The following CDH4 variants were observed in gnomAD, a reference collection of about 807,000 sequenced individuals.
CDH4 encodes cadherin 4, also known as cadherin-4.
Under a neutral mutation model 86.0 loss-of-function variants are expected in CDH4, and 33 were observed. The ratio of observed to expected loss-of-function variants is 0.38; its 90% CI spans 0.29 to 0.51. CDH4 has a LOEUF of 0.51. Among genes scored for constraint, CDH4 ranks in the 20% least tolerant of loss-of-function variants. The pLI is 0.86. For missense variants in CDH4, 1,114 were observed against 1,307.4 expected, an observed-to-expected ratio of 0.85 and a Z score of 2.28; for synonymous variants, 555 against 549.4, an observed-to-expected ratio of 1.01 and a Z score of -0.14.
intron 11 of CDH4, among the ~76,000 whole-genome samples, chr20:61,927,013 G>A (rs1007525245): frequency 6.6e-6 from 1 of 152,238 alleles, no homozygotes; most frequent in Non-Finnish European, 1.5e-5. Context: ...GAACCTGTCT[G>A]TGCTTCTCCG....
intron 2 of CDH4, among the ~76,000 whole-genome samples, chr20:61,256,930 G>A (rs1366136236): frequency 6.6e-6 from 1 of 152,168 alleles, no homozygotes; most frequent in Non-Finnish European, 1.5e-5. Flanking sequence ...TGCACATATG[G>A]AGGCAAGAGC....
chr20:61,308,909 G>A (rs2084431079), intron 2 of CDH4, among the ~76,000 whole-genome samples: 2 of 152,218 alleles, frequency 1.3e-5, no homozygotes, highest in Admixed American at 6.5e-5. Context: ...CTCGTAGCCT[G>A]TGGTTTGCAG....
intron 2 of CDH4, among the ~76,000 whole-genome samples, chr20:61,640,287 C>T (rs979495937): frequency 4.1e-4 from 62 of 152,208 alleles, no homozygotes; most frequent in Admixed American, 3.7e-3. Flanking sequence ...AGCAACGTCA[C>T]GTGCCTCGGC....
chr20:61,302,306 C>G (rs2427059), intron 2 of CDH4, among the ~76,000 whole-genome samples: 2 of 152,134 alleles, frequency 1.3e-5, no homozygotes, highest in Non-Finnish European at 2.9e-5. Context: ...CGTATCCTCA[C>G]TGTGGTGCAG....
intron 2 of CDH4, among the ~76,000 whole-genome samples, chr20:61,571,596 C>T (rs1046906577): frequency 1.3e-5 from 2 of 152,196 alleles, no homozygotes; most frequent in African/African-American, 4.8e-5. Context: ...TCCTCACCGC[C>T]CCTGCATTCT....
At chr20:61,674,900 C>T (rs1057511798) in intron 2 of CDH4, among the ~76,000 whole-genome samples, 3 of 152,240 alleles carry the variant, frequency 2.0e-5, no homozygotes, top group Non-Finnish European at 4.4e-5. Flanking sequence ...GTTTTATTGG[C>T]ACACAGCCAT....
chr20:61,316,755 T>C (rs1168715929), intron 2 of CDH4, among the ~76,000 whole-genome samples: 1 of 152,240 alleles, frequency 6.6e-6, no homozygotes, highest in Non-Finnish European at 1.5e-5. Context: ...AGCCGCCGCC[T>C]CTGCTTTTCG....
intron 2 of CDH4, among the ~76,000 whole-genome samples, chr20:61,255,313 A>G (rs559319982): frequency 1.3e-5 from 2 of 152,248 alleles, no homozygotes; most frequent in Non-Finnish European, 1.5e-5. Context: ...AAATGCGGTA[A>G]ATAAGCCCAC....
chr20:61,437,190 C>A (rs752749964), intron 2 of CDH4: 1 of 152,314 alleles, frequency 6.6e-6, no homozygotes, highest in Non-Finnish European at 1.5e-5. Context: ...CCCCCGCCCC[C>A]CTTGTCTTGC....
chr20:61,816,642 C>A (rs1419561277), intron 4 of CDH4, among the ~76,000 whole-genome samples: 1 of 150,724 alleles, frequency 6.6e-6, no homozygotes, highest in Non-Finnish European at 1.5e-5. Context: ...CTAAGGCAGG[C>A]GGGCATTGGA....
At chr20:61,539,389 G>A (rs924333942) in intron 2 of CDH4, among the ~76,000 whole-genome samples, 5 of 152,190 alleles carry the variant, frequency 3.3e-5, no homozygotes, top group African/African-American at 1.2e-4. Context: ...CAAGACTAAG[G>A]TGTGGGAAGA....
intron 2 of CDH4, among the ~76,000 whole-genome samples, chr20:61,714,641 C>A (rs1359068909): frequency 6.6e-6 from 1 of 152,190 alleles, no homozygotes; most frequent in Non-Finnish European, 1.5e-5. Flanking sequence ...CTCCCACTTA[C>A]AAGTGAGGAC....
chr20:61,539,685 C>T (rs1209164316), intron 2 of CDH4, among the ~76,000 whole-genome samples: 1 of 152,250 alleles, frequency 6.6e-6, no homozygotes, highest in Non-Finnish European at 1.5e-5. Flanking sequence ...AGAGCACAGT[C>T]TGCCCTGGGC....
intron 4 of CDH4, among the ~76,000 whole-genome samples, chr20:61,775,315 G>A (rs561208514): frequency 6.6e-6 from 1 of 152,012 alleles, no homozygotes; most frequent in Non-Finnish European, 1.5e-5. Context: ...AGGACTGAAG[G>A]TCACCGAGAC....
In CDH4 at chr20:61,502,996, A is replaced by G. The variant is rs1339067692; in HGVS notation, c.170-240567A>G. Among the ~76,000 whole-genome samples, 3 of 152,212 alleles carry G rather than the reference A, an allele frequency of 2.0e-5. No individual in the cohort carries two copies. In the East Asian group the frequency reaches 5.8e-4, roughly 29 times the overall value. Reference sequence around the variant, plus strand: ...GCCAAAGATGATTATGCCTAAATGAATATTCTTTTATTGGCTTGATGGAAT... The same window carrying G: ...GCCAAAGATGATTATGCCTAAATGAGTATTCTTTTATTGGCTTGATGGAAT... On this transcript the variant is annotated intron_variant, in intron 2 of 15. Coordinates refer to ENST00000614565, the MANE Select transcript of CDH4 (RefSeq NM_001794.5).
At chr20:61,308,331 C>T (rs1373251024) in intron 2 of CDH4, among the ~76,000 whole-genome samples, 1 of 152,156 alleles carries the variant, frequency 6.6e-6, no homozygotes, top group African/African-American at 2.4e-5. Context: ...ACAAAGCTGC[C>T]ATGAGCCGCA....
intron 4 of CDH4, among the ~76,000 whole-genome samples, chr20:61,795,604 C>T (rs1979495138): frequency 6.6e-6 from 1 of 152,140 alleles, no homozygotes; most frequent in Non-Finnish European, 1.5e-5. Flanking sequence ...AGGCATCATC[C>T]CCTTAAAGCA....
chr20:61,290,432 A>AGCACCACAGATGCCAG (rs2084314498), intron 2 of CDH4, among the ~76,000 whole-genome samples: 1 of 136,158 alleles, frequency 7.3e-6, no homozygotes, highest in Admixed American at 7.5e-5. Flanking sequence ...TGCTGGGTTT[A>AGCACCACAGATGCCAG]TCCCGATATC....
Position 61,754,740 on chromosome 20 carries a change from A to T in CDH4, c.396+10951A>T, listed in dbSNP as rs139599317. Among the ~76,000 whole-genome samples the T allele has an allele frequency of 7.0e-4, 102 of 144,948 alleles. No individual in the cohort carries two copies. The highest frequency in any genetic ancestry group is 5.7e-3 in the Admixed American group (83 of 14,542). On this transcript the variant is annotated intron_variant, in intron 3 of 15. Transcript: ENST00000614565. The surrounding 1 kb of genome is among the most constrained non-coding windows in gnomAD (Gnocchi z 4.7). ...CACACACACTGCACGCCCCGCACAC[A>T]CTATGCACACCACACACACAGTGCA...
Sources: gnomAD v4.1 joint callset for allele counts (sites outside exome capture counted in the v4.1 genomes callset) on GRCh38, gnomAD v4.1.1 for gene constraint, Gnocchi (gnomAD v3.1) non-coding constraint, MANE v1.5 for transcripts, NCBI Gene and HGNC (gene_info 2026-07-23, HGNC 2026-07-21) for gene names.